Variants in PCSK5 observed in about 807,000 individuals in gnomAD.
The protein encoded by PCSK5 is prohormone convertase 5.
In PCSK5, 129 loss-of-function variants were observed where a neutral mutation model predicts 233.2. That is an observed-to-expected ratio of 0.55 (90% CI 0.48 to 0.64). PCSK5 has a LOEUF of 0.64. Ranked by LOEUF, PCSK5 falls within the 30% of genes least tolerant of loss-of-function variation. The probability of loss-of-function intolerance (pLI) is 0.00; values close to 1 mark genes in which losing one functional copy is unlikely to be tolerated. For missense variants in PCSK5, 2,076 were observed against 2,430.1 expected, an observed-to-expected ratio of 0.85 and a Z score of 3.06; for synonymous variants, 825 against 879.2, an observed-to-expected ratio of 0.94 and a Z score of 1.09.
At position 76,238,886 on chromosome 9, in the gene PCSK5, A is replaced by G. The variant is rs1043609984; in HGVS notation, c.2867-73A>G. Reference sequence around the variant, plus strand: ...CAGTCGCATCTTTTTAAAATATAATATCTTACATTATAATAGCTTCATGGC... The same window carrying G: ...CAGTCGCATCTTTTTAAAATATAATGTCTTACATTATAATAGCTTCATGGC... On this transcript the variant is annotated intron_variant, in intron 22 of 37. Coordinates refer to ENST00000674117, the MANE Select transcript of PCSK5 (RefSeq NM_001372043.1). The G allele has an allele frequency of 2.7e-6, 3 of 1,091,456 alleles. No individual in the cohort carries two copies. The African/African-American group carries it at 4.7e-5, about 17-fold the overall frequency. The allele number at this position is 1,091,456 out of a possible 1,614,324, so 67.6% of individuals were successfully genotyped here.
chr9:76,147,582 C>G (rs549925382), intron 10 of PCSK5, among the ~76,000 whole-genome samples: 1 of 152,312 alleles, frequency 6.6e-6, no homozygotes, highest in East Asian at 1.9e-4. Flanking sequence ...TCCTGAATCA[C>G]TGGGACTGAG....
chr9:76,102,814 G>A (rs1468891949), intron 8 of PCSK5, among the ~76,000 whole-genome samples: 1 of 152,106 alleles, frequency 6.6e-6, no homozygotes, highest in Non-Finnish European at 1.5e-5. Flanking sequence ...CCTAATGAAC[G>A]GAAGAGTTGA....
rs562663662 is a variant in PCSK5, at chr9:76,116,987, G to A, written c.1208+9636G>A. Among the ~76,000 whole-genome samples the A allele has an allele frequency of 1.6e-3, 204 of 128,860 alleles. 2 individuals carry two copies. Among genetic ancestry groups the A allele is most frequent in the African/African-American group, 4.8e-3 (186 of 38,976 alleles). The allele number at this position is 128,860 out of a possible 152,430, so 84.5% of individuals were successfully genotyped here. On this transcript the variant is annotated intron_variant, in intron 9 of 37. Coordinates refer to ENST00000674117, the MANE Select transcript of PCSK5 (RefSeq NM_001372043.1). ...AGGTATCTGTAGTTAGTGAGATATC[G>A]CGCCAACAAGTTTAAACTCTAAATC...
intron 20 of PCSK5, among the ~76,000 whole-genome samples, chr9:76,206,101 C>G (rs1023360784): frequency 6.6e-6 from 1 of 152,158 alleles, no homozygotes; most frequent in African/African-American, 2.4e-5. Flanking sequence ...AACACAGATT[C>G]CTATCTGCCA....
At chr9:76,350,773 G>T in intron 35 of PCSK5, 55 bp from the exon 36 acceptor site, 1 of 1,044,376 alleles carries the variant, frequency 9.6e-7, no homozygotes, top group South Asian at 1.3e-5. Context: ...CCGGAACAAA[G>T]ACAGAAGTTG....
intron 4 of PCSK5, among the ~76,000 whole-genome samples, chr9:76,026,349 T>A (rs1828424424): frequency 6.6e-6 from 1 of 152,194 alleles, no homozygotes; most frequent in African/African-American, 2.4e-5. Context: ...TGGTTATTAG[T>A]AGAATGTCTA....
At chr9:76,318,275 A>T (rs1829087993) in intron 30 of PCSK5, among the ~76,000 whole-genome samples, 1 of 152,036 alleles carries the variant, frequency 6.6e-6, no homozygotes, top group East Asian at 1.9e-4. Flanking sequence ...ATGAGAACAC[A>T]TGGACACAGG....
intron 1 of PCSK5, among the ~76,000 whole-genome samples, chr9:75,911,723 TG>T (rs1162356696): frequency 6.6e-6 from 1 of 152,160 alleles, no homozygotes; most frequent in Non-Finnish European, 1.5e-5. Context: ...TTGCTGGTGC[TG>T]GCTTGGGTTA....
intron 37 of PCSK5, among the ~76,000 whole-genome samples, chr9:76,355,901 A>G (rs1830289833): frequency 6.6e-6 from 1 of 152,042 alleles, no homozygotes; most frequent in Non-Finnish European, 1.5e-5. Context: ...AAGGGGTTTC[A>G]CCATGTTGGC....
At chr9:76,057,196 T>C (rs1829852351) in intron 5 of PCSK5, among the ~76,000 whole-genome samples, 1 of 152,194 alleles carries the variant, frequency 6.6e-6, no homozygotes, top group Non-Finnish European at 1.5e-5. Flanking sequence ...GTGACTTTTA[T>C]ATTTAACTGA....
chr9:76,004,589 G>A (rs1367096052), intron 3 of PCSK5, among the ~76,000 whole-genome samples: 3 of 152,096 alleles, frequency 2.0e-5, no homozygotes, highest in Non-Finnish European at 4.4e-5. Context: ...GTGCTTGCGA[G>A]GTGTTGGTTT....
chr9:75,944,038 C>T (rs1031466957), intron 2 of PCSK5, among the ~76,000 whole-genome samples: 7 of 151,910 alleles, frequency 4.6e-5, no homozygotes, highest in African/African-American at 1.7e-4. Flanking sequence ...TGGCATGGGC[C>T]TTTAGTCCCA....
intron 5 of PCSK5, among the ~76,000 whole-genome samples, chr9:76,058,074 T>C (rs1829888075): frequency 6.6e-6 from 1 of 152,112 alleles, no homozygotes; most frequent in East Asian, 1.9e-4. Flanking sequence ...GTCTCCAACT[T>C]CTGTGCTCAA....
At chr9:75,921,999 C>T (rs979922933) in intron 1 of PCSK5, among the ~76,000 whole-genome samples, 1 of 152,128 alleles carries the variant, frequency 6.6e-6, no homozygotes, top group Non-Finnish European at 1.5e-5. Context: ...ACAGTTGACA[C>T]CAAGGGGTTG....
chr9:76,273,667 C>G (rs1827602209), intron 24 of PCSK5, among the ~76,000 whole-genome samples: 1 of 149,768 alleles, frequency 6.7e-6, no homozygotes, highest in Non-Finnish European at 1.5e-5. Flanking sequence ...CAGTATATCT[C>G]TGTCACCCAG....
At position 76,358,720 on chromosome 9, in the gene PCSK5, G is replaced by A; in HGVS notation, c.5462G>A (p.Ser1821Asn). 1.9e-6 allele frequency: 3 copies of A among 1,612,870 alleles called. No individual in the cohort carries two copies. The highest frequency in any genetic ancestry group is 2.5e-6 in the Non-Finnish European group (3 of 1,179,878). ...AACAAGTCTTACTCCTCCTATAAGA[G>A]CAGCTATAGAGAGAGCACCAGCTTT... Reference protein sequence around the residue: ...DPNKSYSSYKSSYRESTSFEE... With the variant: ...DPNKSYSSYKNSYRESTSFEE... Residue 1821 changes from serine to asparagine, a missense_variant, in exon 38 of 38, where the codon AGC (serine) becomes AAC (asparagine). By Grantham distance (46) the Ser-to-Asn change is conservative. Transcript: ENST00000674117.
At chr9:76,095,619 C>A (rs995829082) in intron 7 of PCSK5, among the ~76,000 whole-genome samples, 7 of 152,176 alleles carry the variant, frequency 4.6e-5, no homozygotes, top group African/African-American at 1.7e-4. Flanking sequence ...TGAAAGAATT[C>A]AATGCAGTTC....
intron 12 of PCSK5, among the ~76,000 whole-genome samples, chr9:76,168,312 C>A (rs146714369): frequency 8.5e-4 from 130 of 152,226 alleles, no homozygotes; most frequent in Middle Eastern, 3.4e-3. Context: ...CCATACCCGG[C>A]TAATTTTTGT....
chr9:76,195,969 T>C (rs956654131), intron 20 of PCSK5: 4 of 152,116 alleles, frequency 2.6e-5, no homozygotes, highest in African/African-American at 9.7e-5. Context: ...ACATAGAAGC[T>C]GAATATGAAG....
Sources: allele counts gnomAD v4.1 joint callset (sites outside exome capture counted in the v4.1 genomes callset), GRCh38; gene constraint gnomAD v4.1.1; transcripts MANE v1.5; gene names NCBI Gene and HGNC (gene_info 2026-07-23, HGNC 2026-07-21).